Variants in CCDC187 observed in about 807,000 individuals in gnomAD.
CCDC187 encodes the protein coiled-coil domain-containing protein 187.
CCDC187 carries 32 observed loss-of-function variants against 38.0 expected under a neutral mutation model. The observed-to-expected ratio is 0.84, with a 90% CI of 0.64 to 1.13. The LOEUF (loss-of-function observed/expected upper bound fraction) is 1.13, where lower values mean the gene tolerates loss of function less well. CCDC187 is among the 50% of genes most tolerant of loss of function. The pLI, the probability that CCDC187 is intolerant of heterozygous loss-of-function variation, is 0.00. For synonymous variants in CCDC187, 333 were observed against 347.9 expected (o/e 0.96, Z 0.48); for missense variants, 707 against 786.8 (o/e 0.90, Z 1.21).
rs1554762939 is a variant in CCDC187, at chr9:136,274,903, G to A, written c.3330C>T (p.Ser1110=). The part of the protein sequence containing the change: ...KDREPTTASQ[S]TGMATPRSHP... ...CTCACCTGGGTGTGGCCATCCCTGT[G>A]CTCTGAGAGGCTGTGGTCGGCTCTC... The change falls in exon 13 of 26, where the codon AGC becomes AGT. Residue 1110 remains serine (S), a synonymous_variant. Coordinates refer to ENST00000638797, the MANE Select transcript of CCDC187 (RefSeq NM_001378188.1). The A allele has an allele frequency of 1.3e-5, 2 of 152,328 alleles. No individual in the cohort carries two copies. Among genetic ancestry groups the A allele is most frequent in the Non-Finnish European group, 2.9e-5 (2 of 68,102 alleles). The allele number at this position is 152,328 out of a possible 1,614,324, so 9.4% of individuals were successfully genotyped here.
chr9:136,287,863 G>A (rs1831218487), intron 7 of CCDC187, among the ~76,000 whole-genome samples: 1 of 152,156 alleles, frequency 6.6e-6, no homozygotes, highest in African/African-American at 2.4e-5. Flanking sequence ...GGAAGATGAA[G>A]AGTTCTGGAG....
In CCDC187 at chr9:136,254,578, T is replaced by C; in HGVS notation, c.5250A>G (p.Ser1750=). The C allele has an allele frequency of 1.0e-6, 1 of 985,514 alleles. No homozygotes were observed. Among genetic ancestry groups the C allele is most frequent in the Non-Finnish European group, 1.2e-6 (1 of 829,994 alleles). 61.0% of individuals were successfully genotyped at this position (985,514 alleles called of 1,614,324 possible). The change falls in exon 26 of 26, where the codon TCA becomes TCG. Residue 1750 remains serine, a synonymous_variant. Transcript: ENST00000638797. Reference sequence around the variant, plus strand: ...TGGAGGCCTCTGACAGCTCTGACCCTGACCTTGGAGAGGGGATGTCTGGGA... The same window carrying C: ...TGGAGGCCTCTGACAGCTCTGACCCCGACCTTGGAGAGGGGATGTCTGGGA... ...LPFPDIPSPR[S]GSELSEASSK...
chr9:136,306,604 C>T (rs1007844442), upstream of CCDC187, among the ~76,000 whole-genome samples: 3 of 152,080 alleles, frequency 2.0e-5, no homozygotes, highest in Non-Finnish European at 2.9e-5. Flanking sequence ...ACTTAACCAG[C>T]GGATGAGGCT....
chr9:136,284,933 G>A (rs1831138094), intron 9 of CCDC187, among the ~76,000 whole-genome samples: 1 of 152,162 alleles, frequency 6.6e-6, no homozygotes, highest in African/African-American at 2.4e-5. Context: ...TCAGCCTGGG[G>A]CTCACTGGGG....
At chr9:136,261,039 C>A (rs1303400971) in intron 19 of CCDC187, among the ~76,000 whole-genome samples, 1 of 152,208 alleles carries the variant, frequency 6.6e-6, no homozygotes, top group Non-Finnish European at 1.5e-5. Context: ...AAAATGGGAA[C>A]AGGAACCCCC....
At chr9:136,272,532 G>A (rs560477423) in intron 14 of CCDC187, among the ~76,000 whole-genome samples, 25 of 152,006 alleles carry the variant, frequency 1.6e-4, no homozygotes, top group South Asian at 2.1e-4. Flanking sequence ...GTGAAACCCC[G>A]TCTCTACTAA....
At position 136,267,485 on chromosome 9, in the gene CCDC187, C is replaced by G. The variant is rs1174837663; in HGVS notation, c.3546G>C (p.Glu1182Asp). Reference sequence around the variant, plus strand: ...CGGCCTGGTGCTGTGCTCGCAGCTCCTCCTCCCGCAGGCTCCGCTCCAGCA... The same window carrying G: ...CGGCCTGGTGCTGTGCTCGCAGCTCGTCCTCCCGCAGGCTCCGCTCCAGCA... ...HQMLERSLRE[E>D]ELRAQHQAAL... is the part of the protein sequence containing the mutation. The change falls in exon 16 of 26, where the codon GAG becomes GAC. Residue 1182 changes from glutamate (E) to aspartate (D), a missense_variant. Transcript: ENST00000638797. 1.0e-6 allele frequency: 1 copy of G among 985,600 alleles called. No homozygotes were observed. Among genetic ancestry groups the G allele is most frequent in the African/African-American group, 1.7e-5 (1 of 57,268 alleles). The allele number at this position is 985,600 out of a possible 1,614,324, so 61.1% of individuals were successfully genotyped here. A position where few individuals can be genotyped will look rare whatever the true frequency, so the allele number is the denominator to read the frequency against.
intron 9 of CCDC187, among the ~76,000 whole-genome samples, chr9:136,283,068 G>A (rs1443836961): frequency 6.6e-6 from 1 of 152,206 alleles, no homozygotes; most frequent in Non-Finnish European, 1.5e-5. Context: ...GGCCAATATG[G>A]TGAAACCCCG....
chr9:136,254,088 C>T lies in CCDC187; in HGVS notation c.5740G>A (p.Gly1914Arg). 1 of 985,472 alleles carries T rather than the reference C, an allele frequency of 1.0e-6. No homozygotes were observed. Among genetic ancestry groups the T allele is most frequent in the Non-Finnish European group, 1.2e-6 (1 of 829,982 alleles). 61.0% of individuals were successfully genotyped at this position (985,472 alleles called of 1,614,324 possible). ...KGGETSGYQE[G>R]TRDADPSPST... ...GGGCTCGGGTCAGCATCCCGGGTTCCCTCCTGGTAGCCAGAAGTCTCTCCT... is the reference window on the plus strand; with the variant it reads ...GGGCTCGGGTCAGCATCCCGGGTTCTCTCCTGGTAGCCAGAAGTCTCTCCT... The change falls in exon 26 of 26, where the codon GGA becomes AGA. Residue 1914 changes from glycine to arginine, a missense_variant. By Grantham distance (125) the Gly-to-Arg change is moderately radical. Transcript: ENST00000638797.
intron 4 of CCDC187, chr9:136,295,911 C>A (rs1831522919): frequency 1.3e-5 from 2 of 152,284 alleles, no homozygotes; most frequent in African/African-American, 4.8e-5. Context: ...CCACGGCCTT[C>A]CGGAACCTTC....
intron 6 of CCDC187, 131 bp downstream of exon 6, chr9:136,290,355 C>T (rs1225694032): frequency 6.8e-5 from 27 of 397,636 alleles, no homozygotes; most frequent in South Asian, 1.4e-4. Context: ...CCACGAAGTC[C>T]CCAGCCCCCA....
chr9:136,289,229 AAAT>A (rs1485322241), intron 7 of CCDC187, among the ~76,000 whole-genome samples: 1 of 152,170 alleles, frequency 6.6e-6, no homozygotes, highest in Non-Finnish European at 1.5e-5. Context: ...AAGAATAGGC[AAAT>A]CCGGGCGGGG....
chr9:136,299,064 CA>C (rs1831606493), intron 3 of CCDC187, among the ~76,000 whole-genome samples: 1 of 152,162 alleles, frequency 6.6e-6, no homozygotes, highest in African/African-American at 2.4e-5. Flanking sequence ...TGACCTGGGG[CA>C]GGGGCAGAGA....
rs1830592567 is a variant in CCDC187, at chr9:136,254,747, C to T, written c.5081G>A (p.Ser1694Asn). 6.1e-6 allele frequency: 6 copies of T among 985,468 alleles called. No homozygotes were observed. In the South Asian group the frequency reaches 2.3e-4, roughly 39 times the overall value. 61.0% of individuals were successfully genotyped at this position (985,468 alleles called of 1,614,324 possible). A position where few individuals can be genotyped will look rare whatever the true frequency, so the allele number is the denominator to read the frequency against. ...RSNQGEPRPG[S>N]APGGGGWVTW... Reference sequence around the variant, plus strand: ...CACCCATCCTCCACCCCCAGGAGCACTGCCTGGCCGAGGCTCACCCTGGTT... The same window carrying T: ...CACCCATCCTCCACCCCCAGGAGCATTGCCTGGCCGAGGCTCACCCTGGTT... Residue 1694 changes from serine to asparagine, a missense_variant, in exon 26 of 26, where the codon AGT (serine) becomes AAT (asparagine). By Grantham distance (46) the Ser-to-Asn change is conservative. Coordinates refer to ENST00000638797, the MANE Select transcript of CCDC187 (RefSeq NM_001378188.1).
intron 4 of CCDC187, among the ~76,000 whole-genome samples, chr9:136,294,134 A>G (rs1831473451): frequency 6.8e-6 from 1 of 148,080 alleles, no homozygotes. Flanking sequence ...ACTCATACAC[A>G]CGCCCTCACA....
intron 9 of CCDC187, among the ~76,000 whole-genome samples, chr9:136,284,747 AGAG>A (rs1409825586): frequency 1.3e-5 from 2 of 151,688 alleles, no homozygotes; most frequent in African/African-American, 2.4e-5. Context: ...TTTTTTCAGG[AGAG>A]GAGATCCAAA....
chr9:136,278,891 T>C (rs1385007167), intron 10 of CCDC187, among the ~76,000 whole-genome samples: 2 of 152,280 alleles, frequency 1.3e-5, no homozygotes, highest in Non-Finnish European at 2.9e-5. Flanking sequence ...GGCTACCATA[T>C]TGTACAACTC....
chr9:136,292,504 A>G (rs1831358878), intron 4 of CCDC187, among the ~76,000 whole-genome samples: 1 of 152,180 alleles, frequency 6.6e-6, no homozygotes, highest in African/African-American at 2.4e-5. Flanking sequence ...CAGGGCGGCC[A>G]TGGGCAGGTG....
chr9:136,285,703 C>G, intron 8 of CCDC187, 97 bp from the exon 9 acceptor site: 1 of 398,124 alleles, frequency 2.5e-6, no homozygotes, highest in Non-Finnish European at 4.4e-6. Flanking sequence ...CTGAGACACA[C>G]CTGACAGGGG....
Sources: gnomAD v4.1 joint callset for allele counts (sites outside exome capture counted in the v4.1 genomes callset) on GRCh38, gnomAD v4.1.1 for gene constraint, MANE v1.5 for transcripts, NCBI Gene and HGNC (gene_info 2026-07-23, HGNC 2026-07-21) for gene names.